The following ATP11A variants were observed in gnomAD, a reference collection of about 807,000 sequenced individuals.
ATP11A encodes the protein phospholipid-transporting ATPase IH.
ATP11A carries 81 observed loss-of-function variants against 154.4 expected under a neutral mutation model. That is an observed-to-expected ratio of 0.52 (90% CI 0.44 to 0.63). The LOEUF is 0.63. Ranked by LOEUF, ATP11A falls within the 30% of genes least tolerant of loss-of-function variation. The probability of loss-of-function intolerance (pLI) is 0.00; values close to 1 mark genes in which losing one functional copy is unlikely to be tolerated. For missense variants in ATP11A, 1,316 were observed against 1,474.3 expected, an observed-to-expected ratio of 0.89 and a Z score of 1.76; for synonymous variants, 623 against 585.9, an observed-to-expected ratio of 1.06 and a Z score of -0.91.
At chr13:112,818,250 G>T (rs374338027) in intron 6 of ATP11A, among the ~76,000 whole-genome samples, 1 of 150,926 alleles carries the variant, frequency 6.6e-6, no homozygotes, top group Non-Finnish European at 1.5e-5. Flanking sequence ...CCGTTGGTGC[G>T]CTTGGTGACG....
chr13:112,849,379 A>G (rs2079698483), intron 17 of ATP11A, among the ~76,000 whole-genome samples: 1 of 152,220 alleles, frequency 6.6e-6, no homozygotes, highest in Non-Finnish European at 1.5e-5. Flanking sequence ...AGAGAAAAGT[A>G]TTTCTGTTCT....
intron 2 of ATP11A, among the ~76,000 whole-genome samples, chr13:112,800,642 G>T (rs558138307): frequency 7.3e-5 from 11 of 151,120 alleles, no homozygotes; most frequent in African/African-American, 2.7e-4. Context: ...TTTCTAATTC[G>T]TTCTATGAGG....
chr13:112,751,269 T>G (rs1359009165), intron 1 of ATP11A, among the ~76,000 whole-genome samples: 1 of 152,248 alleles, frequency 6.6e-6, no homozygotes, highest in African/African-American at 2.4e-5. Flanking sequence ...CCGTACGTTT[T>G]TCTTCCATGA....
intron 1 of ATP11A, among the ~76,000 whole-genome samples, chr13:112,740,193 T>G (rs1891414806): frequency 6.6e-6 from 1 of 151,690 alleles, no homozygotes; most frequent in Non-Finnish European, 1.5e-5. Context: ...TATATATATT[T>G]TTTTGAGACG....
chr13:112,700,755 A>G (rs1271298870), intron 1 of ATP11A, among the ~76,000 whole-genome samples: 1 of 152,092 alleles, frequency 6.6e-6, no homozygotes, highest in East Asian at 1.9e-4. Context: ...GCGGTCTCAA[A>G]CCCAGGGCCT....
At chr13:112,826,974 A>G (rs1429789465) in intron 12 of ATP11A, 83 bp downstream of exon 12, 2 of 1,432,764 alleles carry the variant, frequency 1.4e-6, no homozygotes, top group Admixed American at 1.8e-5. Flanking sequence ...TGTGCCTGTC[A>G]TCCGAGCGTG....
intron 25 of ATP11A, among the ~76,000 whole-genome samples, chr13:112,870,428 G>T (rs2080477597): frequency 6.6e-6 from 1 of 152,194 alleles, no homozygotes; most frequent in African/African-American, 2.4e-5. Flanking sequence ...GCCCACGTTG[G>T]AGTGTAGTGG....
intron 1 of ATP11A, among the ~76,000 whole-genome samples, chr13:112,783,804 G>T (rs1296154360): frequency 6.6e-6 from 1 of 152,218 alleles, no homozygotes; most frequent in East Asian, 1.9e-4. Flanking sequence ...TGTGGTTTTA[G>T]TGCTGACATC....
intron 4 of ATP11A, 66 bp downstream of exon 4, chr13:112,806,359 A>G (rs1255119592): frequency 7.8e-7 from 1 of 1,285,102 alleles, no homozygotes; most frequent in Non-Finnish European, 1.1e-6. Flanking sequence ...CTTTCATTCA[A>G]AGCGAGGTGA....
Position 112,864,919 on chromosome 13 carries a change from C to G in ATP11A, c.2991+2344C>G, listed in dbSNP as rs377222846. On this transcript the variant is annotated intron_variant, in intron 25 of 29. Coordinates refer to ENST00000375645, the MANE Select transcript of ATP11A (RefSeq NM_015205.3). ...GCTTCCCAGCGGGGTCCATCACCAC[C>G]TGCGCAGTAATTCAGTGCGGCCCAT... Among the ~76,000 whole-genome samples the G allele has an allele frequency of 4.6e-3, 254 of 54,720 alleles. 10 individuals are homozygous for G. Among genetic ancestry groups the G allele is most frequent in the Admixed American group, 8.0e-3 (31 of 3,878 alleles). 35.9% of individuals were successfully genotyped at this position (54,720 alleles called of 152,430 possible). A position where few individuals can be genotyped will look rare whatever the true frequency, so the allele number is the denominator to read the frequency against.
Position 112,880,516 on chromosome 13 carries a change from C to T in ATP11A, c.*10-1360C>T, listed in dbSNP as rs994036606. The T allele has an allele frequency of 7.0e-6, 9 of 1,289,384 alleles. No individual in the cohort carries two copies. In the African/African-American group the frequency reaches 7.6e-5, roughly 11 times the overall value. 79.9% of individuals were successfully genotyped at this position (1,289,384 alleles called of 1,614,324 possible). ...ACTCCTGGTGGCCCCGTGTGGCCCA[C>T]GTCGCTCAGTATCTTTCCTCGCCTT... On this transcript the variant is annotated intron_variant, in intron 29 of 29. Transcript: ENST00000375645.
chr13:112,723,913 C>G (rs865784992), intron 1 of ATP11A, among the ~76,000 whole-genome samples: 1 of 152,126 alleles, frequency 6.6e-6, no homozygotes, highest in South Asian at 2.1e-4. Context: ...TTCCCGGGAA[C>G]GCTCGTGTCA....
chr13:112,806,142 G>A (rs1376309236), intron 3 of ATP11A, 71 bp from the exon 4 acceptor site: 3 of 1,214,976 alleles, frequency 2.5e-6, no homozygotes, highest in Non-Finnish European at 3.6e-6. Context: ...GCTGGCTCAG[G>A]GCAAACTAAC....
chr13:112,865,808 C>T (rs147985123), intron 25 of ATP11A, among the ~76,000 whole-genome samples: 3 of 152,356 alleles, frequency 2.0e-5, no homozygotes, highest in East Asian at 3.9e-4. Context: ...GCCTTGGCCT[C>T]CCGAAGTGCT....
At chr13:112,822,704 T>A (rs1272543508) in intron 8 of ATP11A, among the ~76,000 whole-genome samples, 1 of 147,092 alleles carries the variant, frequency 6.8e-6, no homozygotes, top group Admixed American at 6.8e-5. Flanking sequence ...TGAGCTATGA[T>A]CGTGCCCCCA....
intron 17 of ATP11A, among the ~76,000 whole-genome samples, chr13:112,847,877 G>T (rs1221956209): frequency 6.6e-6 from 1 of 152,222 alleles, no homozygotes; most frequent in Admixed American, 6.5e-5. Context: ...CTTGAGGCCA[G>T]AAGTTTGAGA....
rs541614827 is a variant in ATP11A, at chr13:112,807,527, G to T, written c.333+1234G>T. On this transcript the variant is annotated intron_variant, in intron 4 of 29. Coordinates refer to ENST00000375645, the MANE Select transcript of ATP11A (RefSeq NM_015205.3). This position sits in a 1 kb window ranked among gnomAD's most constrained non-coding sequence, Gnocchi z 4.5. ...GGAGACTCACGCTTCCCAAGGACGCGCTGCCTGTGACTCAGGCAGTTTAAC... is the reference window on the plus strand; with the variant it reads ...GGAGACTCACGCTTCCCAAGGACGCTCTGCCTGTGACTCAGGCAGTTTAAC... Among the ~76,000 whole-genome samples the T allele has an allele frequency of 6.6e-6, 1 of 152,304 alleles. No individual in the cohort carries two copies. Among genetic ancestry groups the T allele is most frequent in the Non-Finnish European group, 1.5e-5 (1 of 68,022 alleles).
At chr13:112,712,120 C>T (rs970163007) in intron 1 of ATP11A, among the ~76,000 whole-genome samples, 1 of 152,200 alleles carries the variant, frequency 6.6e-6, no homozygotes, top group African/African-American at 2.4e-5. Flanking sequence ...TTGGCTCCCA[C>T]GTGTTTTCCC....
chr13:112,733,243 G>A (rs1890677997), intron 1 of ATP11A, among the ~76,000 whole-genome samples: 1 of 152,132 alleles, frequency 6.6e-6, no homozygotes, highest in South Asian at 2.1e-4. Context: ...CACACGGCGC[G>A]GGGCACAGCA....
Sources: allele counts gnomAD v4.1 joint callset (sites outside exome capture counted in the v4.1 genomes callset), GRCh38; gene constraint gnomAD v4.1.1; non-coding constraint Gnocchi (gnomAD v3.1); transcripts MANE v1.5; gene names NCBI Gene and HGNC (gene_info 2026-07-23, HGNC 2026-07-21).